Variants in CEP162 observed in about 807,000 individuals in gnomAD.
CEP162 encodes centrosomal protein 162.
Under a neutral mutation model 169.2 loss-of-function variants are expected in CEP162, and 141 were observed. That is an observed-to-expected ratio of 0.83 (90% CI 0.73 to 0.96). The LOEUF is 0.96. CEP162 is among the 40% of genes least tolerant of loss of function. The pLI is 0.00. For synonymous variants in CEP162, 540 were observed against 526.4 expected (o/e 1.03, Z -0.35); for missense variants, 1,600 against 1,587.2 (o/e 1.01, Z -0.14).
At chr6:84,160,610 G>A (rs751319611) in intron 21 of CEP162, among the ~76,000 whole-genome samples, 2 of 152,066 alleles carry the variant, frequency 1.3e-5, no homozygotes, top group Non-Finnish European at 1.5e-5. Context: ...ACCATCTTAC[G>A]AATGAGGCAC....
rs1380785322 is a variant in CEP162 at position 84,185,457 on chromosome 6, A to G, written c.1402-9T>C. 1 of 1,600,582 alleles carries G rather than the reference A, an allele frequency of 6.2e-7. No homozygotes were observed. The highest frequency in any genetic ancestry group is 8.5e-7 in the Non-Finnish European group (1 of 1,172,288). ...AGTTGAGATCTGTAAGTCTGTACACAACAAACAAAAGCTCTTTAGTACCTA... is the reference window on the plus strand; with the variant it reads ...AGTTGAGATCTGTAAGTCTGTACACGACAAACAAAAGCTCTTTAGTACCTA... On this transcript the variant is annotated splice_polypyrimidine_tract_variant and intron_variant, in intron 12 of 26. Transcript: ENST00000403245.
At chr6:84,186,828 T>C (rs1051619482) in intron 11 of CEP162, among the ~76,000 whole-genome samples, 1 of 152,202 alleles carries the variant, frequency 6.6e-6, no homozygotes, top group Admixed American at 6.5e-5. Context: ...CGGATAATAA[T>C]TTTAATGCAG....
intron 13 of CEP162, among the ~76,000 whole-genome samples, chr6:84,180,660 A>G (rs1426069200): frequency 6.6e-6 from 1 of 151,790 alleles, no homozygotes. Flanking sequence ...CAGGATACAA[A>G]ATCAATGTGC....
At chr6:84,189,692 G>C (rs530116436) in intron 11 of CEP162, among the ~76,000 whole-genome samples, 1 of 151,874 alleles carries the variant, frequency 6.6e-6, no homozygotes, top group Admixed American at 6.6e-5. Flanking sequence ...CCTCCCCGAC[G>C]AGCACCACCC....
intron 22 of CEP162, among the ~76,000 whole-genome samples, chr6:84,154,358 G>GTCTGTCTGTCTGTCTGTCTGTCTA (rs1554165787): frequency 6.7e-6 from 1 of 149,676 alleles, no homozygotes; most frequent in African/African-American, 2.5e-5. Context: ...CTGTCTGTCT[G>GTCTGTCTGTCTGTCTGTCTGTCTA]TCTATCTATC....
rs3837002 is a variant in CEP162, at chr6:84,154,312, ATATCTATCTATCTATC to A, written c.2994+970_2994+985del. Among the ~76,000 whole-genome samples the A allele has an allele frequency of 4.6e-4, 69 of 150,104 alleles. 1 individual carries two copies. The highest frequency in any genetic ancestry group is 1.7e-3 in the African/African-American group (66 of 39,810). Reference sequence around the variant, plus strand: ...CTAGACTCCAGACATGTTATCAGGGATATCTATCTATCTATCTATCTGTCTGTCTGTCTGTCTGTCT... The same window carrying A: ...CTAGACTCCAGACATGTTATCAGGGATATCTGTCTGTCTGTCTGTCTGTCT... On this transcript the variant is annotated intron_variant, in intron 22 of 26. Transcript: ENST00000403245.
At position 84,152,808 on chromosome 6, in the gene CEP162, C is replaced by T. The variant is rs2099521639; in HGVS notation, c.3366G>A (p.Gln1122=). The T allele has an allele frequency of 1.2e-6, 2 of 1,613,560 alleles. No homozygotes were observed. Among genetic ancestry groups the T allele is most frequent in the East Asian group, 4.5e-5 (2 of 44,854 alleles). ...QKDRRMMLSN[Q]NSKGREEMSA... ...ACATTTCCTCTCTGCCCTTTGAGTT[C>T]TGATTTGATAGCATCATTCTTCTGT... is the stretch of plus-strand genomic sequence containing the variant. The change falls in exon 23 of 27, where the codon CAG becomes CAA. Residue 1122 remains glutamine, a synonymous_variant. Coordinates refer to ENST00000403245, the MANE Select transcript of CEP162 (RefSeq NM_014895.4).
At chr6:84,208,570 T>G (rs1026117147) in intron 6 of CEP162, among the ~76,000 whole-genome samples, 1 of 152,116 alleles carries the variant, frequency 6.6e-6, no homozygotes, top group Admixed American at 6.5e-5. Context: ...TTTGAGAGGG[T>G]TTGGGAGTGA....
rs2099550107 is a variant in CEP162, at chr6:84,212,996, C to T, written c.532G>A (p.Asp178Asn). 6.4e-7 allele frequency: 1 copy of T among 1,555,092 alleles called. No individual in the cohort carries two copies. Among genetic ancestry groups the T allele is most frequent in the Non-Finnish European group, 8.7e-7 (1 of 1,147,142 alleles). ...TGTTTCGATTCATTCTCATGTTCGT[C>T]ATCAGTTAGTTCTGCGTTGGCTTGA... ...SNQANAELTD[D>N]EHENESKHEE... The change falls in exon 6 of 27, where the codon GAC becomes AAC. Residue 178 changes from aspartate to asparagine, a missense_variant. Asp to Asn is a conservative substitution (Grantham distance 23). Coordinates refer to ENST00000403245, the MANE Select transcript of CEP162 (RefSeq NM_014895.4).
chr6:84,157,399 C>T (rs530557841), intron 21 of CEP162, among the ~76,000 whole-genome samples: 2 of 152,230 alleles, frequency 1.3e-5, no homozygotes, highest in East Asian at 1.9e-4. Flanking sequence ...GGGCTGGGTG[C>T]GATGGCTCAT....
intron 23 of CEP162, among the ~76,000 whole-genome samples, chr6:84,152,293 C>A (rs1002317301): frequency 2.0e-5 from 3 of 152,150 alleles, no homozygotes; most frequent in African/African-American, 7.2e-5. Flanking sequence ...TGCCAAAAGG[C>A]AAGACTGGCG....
At chr6:84,152,475 T>C (rs1382377555) in intron 23 of CEP162, 70 bp downstream of exon 23, 3 of 812,398 alleles carry the variant, frequency 3.7e-6, no homozygotes, top group African/African-American at 1.8e-5. Flanking sequence ...CTGGAGGAAA[T>C]ATATCGTATA....
rs749851650 is a variant in CEP162 at position 84,174,148 on chromosome 6, AACC to A, written c.2063_2065del (p.Trp688del). The A allele has an allele frequency of 6.2e-7, 1 of 1,609,298 alleles. No homozygotes were observed. Among genetic ancestry groups the A allele is most frequent in the South Asian group, 1.1e-5 (1 of 90,302 alleles). On this transcript the variant is annotated inframe_deletion, in exon 16 of 27. Transcript: ENST00000403245. ...AGGATCAGCTGCTTCTCCAAAATGT[AACC>A]ACCTTTGTTTTTTGTTTGTTTCTTC... is the stretch of plus-strand genomic sequence containing the variant.
In CEP162 at chr6:84,175,217, C is replaced by T. The variant is rs2099531933; in HGVS notation, c.1794G>A (p.Gln598=). The T allele has an allele frequency of 6.5e-7, 1 of 1,530,196 alleles. No individual in the cohort carries two copies. Among genetic ancestry groups the T allele is most frequent in the Non-Finnish European group, 8.8e-7 (1 of 1,135,134 alleles). 94.8% of individuals were successfully genotyped at this position (1,530,196 alleles called of 1,614,324 possible). A position where few individuals can be genotyped will look rare whatever the true frequency, so the allele number is the denominator to read the frequency against. ...ATTATTAATTTTGAATACCTACAGTCTGAAACTGAATACAGGAATCAGTTT... is the reference window on the plus strand; with the variant it reads ...ATTATTAATTTTGAATACCTACAGTTTGAAACTGAATACAGGAATCAGTTT... ...PTETDSCIQF[Q]TDSLGYCGEN... The change falls in exon 14 of 27, where the codon CAG becomes CAA. Residue 598 remains glutamine (Q), a synonymous_variant. Coordinates refer to ENST00000403245, the MANE Select transcript of CEP162 (RefSeq NM_014895.4).
intron 2 of CEP162, among the ~76,000 whole-genome samples, chr6:84,224,528 T>C (rs932455866): frequency 2.0e-5 from 3 of 152,224 alleles, no homozygotes; most frequent in African/African-American, 7.2e-5. Context: ...AATTAAATGG[T>C]ATGTGAATTA....
chr6:84,196,798 A>G (rs1393921020), intron 9 of CEP162, among the ~76,000 whole-genome samples: 1 of 152,182 alleles, frequency 6.6e-6, no homozygotes, highest in African/African-American at 2.4e-5. Context: ...ATTGTATAAG[A>G]ATGCCTTACA....
chr6:84,138,612 C>T (rs2099515148), intron 25 of CEP162, among the ~76,000 whole-genome samples: 1 of 152,182 alleles, frequency 6.6e-6, no homozygotes, highest in Middle Eastern at 3.2e-3. Context: ...GAGTGCTTAG[C>T]TTTCTAGTAG....
chr6:84,197,882 G>A (rs2099542841), intron 9 of CEP162, among the ~76,000 whole-genome samples: 1 of 151,526 alleles, frequency 6.6e-6, no homozygotes, highest in Admixed American at 6.6e-5. Flanking sequence ...GTTTTGCAGA[G>A]GAAAGGGGTC....
intron 6 of CEP162, 85 bp from the exon 7 acceptor site, chr6:84,204,181 A>T: frequency 2.7e-6 from 2 of 747,226 alleles, no homozygotes; most frequent in Admixed American, 2.6e-5. Context: ...TTCGAAAGGA[A>T]GAAGTCTGTA....
Sources: allele counts gnomAD v4.1 joint callset (sites outside exome capture counted in the v4.1 genomes callset), GRCh38; gene constraint gnomAD v4.1.1; transcripts MANE v1.5; gene names NCBI Gene and HGNC (gene_info 2026-07-23, HGNC 2026-07-21).